The following PHLPP1 variants were observed in gnomAD, a reference collection of about 807,000 sequenced individuals.
PHLPP1 encodes the protein PH domain leucine-rich repeat-containing protein phosphatase 1.
Under a neutral mutation model 117.2 loss-of-function variants are expected in PHLPP1, and 42 were observed. The observed-to-expected ratio is 0.36, with a 90% confidence interval of 0.28 to 0.46. The LOEUF (loss-of-function observed/expected upper bound fraction) is 0.46. Ranked by LOEUF, PHLPP1 falls within the 20% of genes least tolerant of loss-of-function variation. The pLI is 1.00. For missense variants in PHLPP1, 2,084 were observed against 2,241.9 expected (o/e 0.93, Z 1.42); for synonymous variants, 1,042 against 970.7 (o/e 1.07, Z -1.37).
At chr18:62,977,708 T>G (rs150085985) in intron 16 of PHLPP1, among the ~76,000 whole-genome samples, 127 of 152,358 alleles carry the variant, frequency 8.3e-4, no homozygotes, top group African/African-American at 3.0e-3. Flanking sequence ...CTTTAGACAC[T>G]ACTGCCTCTT....
intron 4 of PHLPP1, among the ~76,000 whole-genome samples, chr18:62,867,440 C>T (rs545896564): frequency 1.3e-5 from 2 of 152,288 alleles, no homozygotes; most frequent in African/African-American, 2.4e-5. Flanking sequence ...TCACTGTTTA[C>T]GTTATTATGA....
At chr18:62,815,500 G>GCT (rs1914247406) in intron 1 of PHLPP1, among the ~76,000 whole-genome samples, 1 of 152,090 alleles carries the variant, frequency 6.6e-6, no homozygotes, top group South Asian at 2.1e-4. Context: ...GCTGTTGTTA[G>GCT]GAGGCCTTAG....
At chr18:62,967,148 T>C (rs1910927444) in intron 14 of PHLPP1, among the ~76,000 whole-genome samples, 1 of 152,234 alleles carries the variant, frequency 6.6e-6, no homozygotes, top group Non-Finnish European at 1.5e-5. Context: ...ATTTGAAGGA[T>C]GTTTAGATTG....
intron 1 of PHLPP1, among the ~76,000 whole-genome samples, chr18:62,766,078 T>TATATATATATATATATATAAA (rs1912497208): frequency 5.2e-5 from 1 of 19,322 alleles, no homozygotes; most frequent in Non-Finnish European, 1.1e-4. Context: ...AAAAAAAAAA[T>TATATATATATATATATATAAA]ATATATATAT....
At chr18:62,862,961 C>T (rs781434390) in intron 4 of PHLPP1, among the ~76,000 whole-genome samples, 16 of 151,732 alleles carry the variant, frequency 1.1e-4, no homozygotes, top group Admixed American at 2.0e-4. Context: ...CGTAGGCAAT[C>T]GAGACTCTAA....
rs144849931 is a variant in PHLPP1 at position 62,851,460 on chromosome 18, T to C, written c.1900-8975T>C. On this transcript the variant is annotated intron_variant, in intron 3 of 16. Transcript: ENST00000262719. ...GCCCTCAACAGAATACCATCTCTCA[T>C]ATTTATTTATTTATTTTTGAGATGG... Among the ~76,000 whole-genome samples, 22 of 152,226 alleles carry C rather than the reference T, an allele frequency of 1.4e-4. No individual in the cohort carries two copies. The East Asian group carries it at 4.3e-3, about 29-fold the overall frequency.
chr18:62,823,611 T>TATATATCTACATAA (rs1914528047), intron 1 of PHLPP1, among the ~76,000 whole-genome samples: 1 of 149,676 alleles, frequency 6.7e-6, no homozygotes, highest in African/African-American at 2.4e-5. Context: ...TACATAAATA[T>TATATATCTACATAA]ATATATCTAC....
At chr18:62,791,406 T>A (rs533312491) in intron 1 of PHLPP1, among the ~76,000 whole-genome samples, 6 of 152,284 alleles carry the variant, frequency 3.9e-5, no homozygotes, top group African/African-American at 1.4e-4. Context: ...AATATAATTT[T>A]AAAAATATAA....
chr18:62,927,686 A>ATTAT (rs1210036102), intron 10 of PHLPP1, among the ~76,000 whole-genome samples: 1 of 152,150 alleles, frequency 6.6e-6, no homozygotes, highest in Non-Finnish European at 1.5e-5. Context: ...AAGATAAAGA[A>ATTAT]TTATTTGAAA....
Position 62,972,557 on chromosome 18 carries a change from C to T in PHLPP1, c.3604C>T (p.Arg1202Cys), listed in dbSNP as rs760057011. 19 of 1,613,296 alleles carry T rather than the reference C, an allele frequency of 1.2e-5. No homozygotes were observed. Among genetic ancestry groups the T allele is most frequent in the Middle Eastern group, 1.8e-4 (1 of 5,658 alleles). Residue 1202 changes from arginine (R) to cysteine (C), a missense_variant, in exon 15 of 17, where the codon CGC becomes TGC. Around this residue, in one of 2 missense-constraint regions of PHLPP1, gnomAD observed 1,365 missense variants for 1,605.9 expected, o/e 0.85. Coordinates refer to ENST00000262719, the MANE Select transcript of PHLPP1 (RefSeq NM_194449.4). The stretch of plus-strand genomic sequence containing the variant: ...GTCGGTGAATAACTTCTGTGACAAC[C>T]GCGAAGCCCTGTATGGTGTGTTTGA... ...ALSVNNFCDN[R>C]EALYGVFDGD... is the part of the protein sequence containing the mutation.
chr18:62,905,501 C>T (rs578032082), intron 8 of PHLPP1, among the ~76,000 whole-genome samples: 1 of 152,292 alleles, frequency 6.6e-6, no homozygotes, highest in East Asian at 1.9e-4. Context: ...CCAATTTGAA[C>T]ACACATTTGG....
intron 1 of PHLPP1, among the ~76,000 whole-genome samples, chr18:62,764,094 C>G (rs1403198499): frequency 7.2e-6 from 1 of 138,538 alleles, no homozygotes; most frequent in Non-Finnish European, 1.5e-5. Flanking sequence ...ACCCGGCAGG[C>G]GGAGGTTGCA....
At chr18:62,902,026 G>C (rs1415140532) in intron 6 of PHLPP1, among the ~76,000 whole-genome samples, 3 of 152,160 alleles carry the variant, frequency 2.0e-5, no homozygotes, top group Non-Finnish European at 4.4e-5. Flanking sequence ...AAAGGAGTTA[G>C]ACATAGCCTA....
At chr18:62,847,497 TATA>T (rs1915211625) in intron 3 of PHLPP1, among the ~76,000 whole-genome samples, 2 of 151,946 alleles carry the variant, frequency 1.3e-5, no homozygotes, top group South Asian at 4.2e-4. Flanking sequence ...GTTTGATCTG[TATA>T]ATGTTATCTT....
At chr18:62,729,803 A>G (rs970414594) in intron 1 of PHLPP1, among the ~76,000 whole-genome samples, 5 of 152,260 alleles carry the variant, frequency 3.3e-5, no homozygotes, top group African/African-American at 1.2e-4. Context: ...GTGCAAAAGA[A>G]TTGAACTGCT....
intron 10 of PHLPP1, among the ~76,000 whole-genome samples, chr18:62,932,844 G>T (rs751004812): frequency 7.9e-5 from 12 of 152,070 alleles, no homozygotes; most frequent in African/African-American, 2.7e-4. Flanking sequence ...TTGATGATAC[G>T]ATTCTATACC....
intron 14 of PHLPP1, among the ~76,000 whole-genome samples, chr18:62,965,995 A>G (rs554475043): frequency 6.6e-6 from 1 of 152,116 alleles, no homozygotes; most frequent in Non-Finnish European, 1.5e-5. Context: ...ATAATTTTGG[A>G]TAACTTGTTT....
rs368615321 is a variant in PHLPP1, at chr18:62,934,820, A to G, written c.2961-6898A>G. On this transcript the variant is annotated intron_variant, in intron 10 of 16. Transcript: ENST00000262719. ...TGTAGCCATATGTGAATTATGAATT[A>G]TATCTCAATAAAGCTGTTAATAAAA... 1.1e-4 allele frequency among the ~76,000 whole-genome samples: 17 copies of G among 152,330 alleles called. No individual in the cohort carries two copies. In the South Asian group the frequency reaches 2.7e-3, roughly 24 times the overall value.
At chr18:62,954,969 G>A (rs960887663) in intron 12 of PHLPP1, among the ~76,000 whole-genome samples, 6 of 152,140 alleles carry the variant, frequency 3.9e-5, no homozygotes, top group African/African-American at 7.2e-5. Flanking sequence ...TAGGATATCC[G>A]GGGAGAAACA....
Sources: gnomAD v4.1 joint callset for allele counts (sites outside exome capture counted in the v4.1 genomes callset) on GRCh38, gnomAD v4.1.1 for gene constraint, gnomAD v4.1.1 regional missense constraint, MANE v1.5 for transcripts, NCBI Gene and HGNC (gene_info 2026-07-23, HGNC 2026-07-21) for gene names.